ANKFY1: variants seen among roughly 807,000 people sequenced by gnomAD.
ANKFY1 encodes the protein ankyrin repeat and FYVE domain containing 1.
Under a neutral mutation model 128.3 loss-of-function variants are expected in ANKFY1, and 47 were observed. The ratio of observed to expected loss-of-function variants is 0.37; its 90% CI spans 0.29 to 0.47. ANKFY1 has a LOEUF of 0.47. Ranked by LOEUF, ANKFY1 falls within the 20% of genes least tolerant of loss-of-function variation. The pLI is 1.00. For synonymous variants in ANKFY1, 553 were observed against 601.6 expected (o/e 0.92, Z 1.18); for missense variants, 1,222 against 1,510.6 (o/e 0.81, Z 3.17).
At chr17:4,250,609 C>T (rs915917478) in intron 1 of ANKFY1, among the ~76,000 whole-genome samples, 8 of 152,110 alleles carry the variant, frequency 5.3e-5, no homozygotes, top group Non-Finnish European at 1.0e-4. Flanking sequence ...GTCTATAGAT[C>T]CAATACCTTC....
At chr17:4,239,624 C>T (rs1967098219) in intron 2 of ANKFY1, among the ~76,000 whole-genome samples, 1 of 152,084 alleles carries the variant, frequency 6.6e-6, no homozygotes, top group Admixed American at 6.6e-5. Flanking sequence ...CTGCAACCTC[C>T]ACCTCCCAGG....
At position 4,245,820 on chromosome 17, in the gene ANKFY1, G is replaced by A. The variant is rs146961646; in HGVS notation, c.11-3372C>T. Among the ~76,000 whole-genome samples, 38 of 151,364 alleles carry A rather than the reference G, an allele frequency of 2.5e-4. 1 individual carries two copies. In the East Asian group the frequency reaches 4.3e-3, roughly 17 times the overall value. ...TCCCAGCACTTTGGGAGGCTGAGGCGGGCAGATCATGAGGTCAGTTCAAGA... is the reference window on the plus strand; with the variant it reads ...TCCCAGCACTTTGGGAGGCTGAGGCAGGCAGATCATGAGGTCAGTTCAAGA... On this transcript the variant is annotated intron_variant, in intron 1 of 24. Transcript: ENST00000341657.
In ANKFY1 at chr17:4,179,069, G is replaced by C. The variant is rs1235335133; in HGVS notation, c.2398-12C>G. ...CTTCCTTCTGCATCCTATGGAACAA[G>C]GCACAGAATTTAATGTTCAATTGCA... On this transcript the variant is annotated splice_polypyrimidine_tract_variant and intron_variant, in intron 17 of 24. Coordinates refer to ENST00000341657, the MANE Select transcript of ANKFY1 (RefSeq NM_001330063.2). The C allele has an allele frequency of 6.2e-7, 1 of 1,613,368 alleles. No individual in the cohort carries two copies.
intron 4 of ANKFY1, among the ~76,000 whole-genome samples, chr17:4,212,127 C>T (rs1014067199): frequency 2.0e-5 from 3 of 152,194 alleles, no homozygotes. Flanking sequence ...CAGCCCTTCA[C>T]CTCCCTCGCC....
intron 3 of ANKFY1, among the ~76,000 whole-genome samples, chr17:4,230,242 A>G (rs564747862): frequency 3.9e-5 from 6 of 152,298 alleles, no homozygotes; most frequent in Non-Finnish European, 7.4e-5. Context: ...TCCCAACCAG[A>G]GTGAAAAGGA....
Position 4,223,815 on chromosome 17 carries a change from G to A in ANKFY1, c.323-6697C>T, listed in dbSNP as rs73972095. 7.8e-3 allele frequency: 11,030 copies of A among 1,409,522 alleles called. 654 individuals are homozygous for A. The African/African-American group carries it at 0.14, about 17-fold the overall frequency. The allele number at this position is 1,409,522 out of a possible 1,614,324, so 87.3% of individuals were successfully genotyped here. ...TGTCTCACAGTTTCATGCAGGCCTG[G>A]GGGCCTACGTCTGACTCTTCTCTCG... On this transcript the variant is annotated intron_variant, in intron 3 of 24. Transcript: ENST00000341657.
rs945751507 is a variant in ANKFY1 at position 4,206,397 on chromosome 17, C to T, written c.822G>A (p.Thr274=). 1.2e-6 allele frequency: 2 copies of T among 1,614,172 alleles called. No homozygotes were observed. The highest frequency in any genetic ancestry group is 2.2e-5 in the East Asian group (1 of 44,896). Residue 274 remains threonine (T), a synonymous_variant, in exon 7 of 25, where the codon ACG becomes ACA. Coordinates refer to ENST00000341657, the MANE Select transcript of ANKFY1 (RefSeq NM_001330063.2). ...LSRRLESIAT[T]LVSHKADVDM... is the part of the protein sequence containing the mutation. ...CCACATCAGCTTTGTGACTAACCAGCGTGGTGGCAATACTCTCCAGTCGTC... is the reference window on the plus strand; with the variant it reads ...CCACATCAGCTTTGTGACTAACCAGTGTGGTGGCAATACTCTCCAGTCGTC...
chr17:4,196,625 G>T (rs369054192), intron 8 of ANKFY1, among the ~76,000 whole-genome samples: 1 of 152,242 alleles, frequency 6.6e-6, no homozygotes, highest in African/African-American at 2.4e-5. Context: ...GACAAAGGTA[G>T]CAAGCTGTGC....
chr17:4,209,968 T>A, intron 4 of ANKFY1, 21 bp from the exon 5 acceptor site: 1 of 1,600,944 alleles, frequency 6.2e-7, no homozygotes, highest in Non-Finnish European at 8.6e-7. Flanking sequence ...GTATTCATCA[T>A]GAGGAGTATT....
chr17:4,242,266 C>A lies in ANKFY1; in HGVS notation c.193G>T (p.Glu65Ter). 1 of 1,581,604 alleles carries A rather than the reference C, an allele frequency of 6.3e-7. No homozygotes were observed. Among genetic ancestry groups the A allele is most frequent in the South Asian group, 1.2e-5 (1 of 86,220 alleles). Residue 65 changes from glutamate (E) to a stop codon, truncating the protein, a stop_gained, in exon 2 of 25, where the codon GAG becomes TAG. Transcript: ENST00000341657. LOFTEE classifies it high-confidence loss of function. Reference protein sequence around the residue: ...LAIVADLYEQEQYSDLKIKVG... With the variant: ...LAIVADLYEQ ...TAGGAGCTCTCCCACCTGTACTGCT[C>A]CTGCTCGTAGAGGTCTGCCACGATG...
rs146291601 is a variant in ANKFY1 at position 4,244,275 on chromosome 17, C to T, written c.11-1827G>A. Among the ~76,000 whole-genome samples the T allele has an allele frequency of 2.2e-3, 329 of 152,156 alleles. 3 individuals carry two copies. The highest frequency in any genetic ancestry group is 3.7e-3 in the Non-Finnish European group (250 of 68,002). Reference sequence around the variant, plus strand: ...TTATAATTTATAATTAAAATAATTACAACAGTCAAATGCAAAATTACAACT... The same window carrying T: ...TTATAATTTATAATTAAAATAATTATAACAGTCAAATGCAAAATTACAACT... On this transcript the variant is annotated intron_variant, in intron 1 of 24. Coordinates refer to ENST00000341657, the MANE Select transcript of ANKFY1 (RefSeq NM_001330063.2).
rs907176003 is a variant in ANKFY1, at chr17:4,261,836, G to A, written c.10+2096C>T. Among the ~76,000 whole-genome samples, 24 of 152,304 alleles carry A rather than the reference G, an allele frequency of 1.6e-4. 1 individual carries two copies. The highest frequency in any genetic ancestry group is 1.1e-3 in the Admixed American group (17 of 15,304). ...CCAGACTACCCCTTACCTCACAGAA[G>A]ACCTTCCTGAACCTTTCTACCCGCC... On this transcript the variant is annotated intron_variant, in intron 1 of 24. Transcript: ENST00000341657.
At chr17:4,183,704 A>G (rs2059557744) in intron 13 of ANKFY1, 108 bp downstream of exon 13, 19 of 1,416,100 alleles carry the variant, frequency 1.3e-5, no homozygotes, top group Non-Finnish European at 1.7e-5. Context: ...TTTTACAACC[A>G]AATGATTAGC....
chr17:4,231,946 A>C (rs1172251447), intron 3 of ANKFY1, among the ~76,000 whole-genome samples: 1 of 152,026 alleles, frequency 6.6e-6, no homozygotes, highest in Non-Finnish European at 1.5e-5. Context: ...AAAAAAAAAA[A>C]AAAAAGAAAG....
intron 2 of ANKFY1, among the ~76,000 whole-genome samples, chr17:4,237,666 T>C (rs1201152833): frequency 6.6e-6 from 1 of 152,164 alleles, no homozygotes; most frequent in East Asian, 1.9e-4. Context: ...CTATCTTTTG[T>C]AATCTGACAT....
At chr17:4,190,413 C>T (rs2059696950) in intron 10 of ANKFY1, among the ~76,000 whole-genome samples, 1 of 151,858 alleles carries the variant, frequency 6.6e-6, no homozygotes, top group Non-Finnish European at 1.5e-5. Flanking sequence ...TGCACTCCAG[C>T]CTGGGCGACA....
chr17:4,195,372 C>T, intron 9 of ANKFY1, 31 bp downstream of exon 9: 2 of 1,602,122 alleles, frequency 1.2e-6, no homozygotes, highest in Non-Finnish European at 1.7e-6. Context: ...CTCACAACCG[C>T]CTTCTCACTT....
intron 8 of ANKFY1, among the ~76,000 whole-genome samples, chr17:4,195,808 C>T (rs925038455): frequency 3.9e-5 from 6 of 152,180 alleles, no homozygotes; most frequent in Admixed American, 1.3e-4. Context: ...ATCTCTTCTC[C>T]ATCAATTCTA....
At chr17:4,189,166 A>G (rs148057660) in intron 11 of ANKFY1, among the ~76,000 whole-genome samples, 6 of 152,362 alleles carry the variant, frequency 3.9e-5, no homozygotes, top group African/African-American at 1.2e-4. Flanking sequence ...TGTTTCCTAC[A>G]CAAACGCTTA....
Sources: gnomAD v4.1 joint callset for allele counts (sites outside exome capture counted in the v4.1 genomes callset) on GRCh38, gnomAD v4.1.1 for gene constraint, MANE v1.5 for transcripts, NCBI Gene and HGNC (gene_info 2026-07-23, HGNC 2026-07-21) for gene names.